The following FBXO16 variants were observed in gnomAD, a reference collection of about 807,000 sequenced individuals.
FBXO16 encodes F-box protein 16.
A neutral mutation model predicts 41.0 loss-of-function variants in FBXO16; 31 were observed. The ratio of observed to expected loss-of-function variants is 0.76; its 90% CI spans 0.57 to 1.02. The LOEUF (loss-of-function observed/expected upper bound fraction) is 1.02, where lower values mean the gene tolerates loss of function less well. FBXO16 is among the 50% of genes least tolerant of loss of function. The pLI, the probability that FBXO16 is intolerant of heterozygous loss-of-function variation, is 0.00. For synonymous variants in FBXO16, 133 were observed against 117.8 expected (o/e 1.13, Z -0.84); for missense variants, 361 against 346.2 (o/e 1.04, Z -0.34).
intron 3 of FBXO16, among the ~76,000 whole-genome samples, chr8:28,470,691 G>A (rs1035470145): frequency 1.3e-5 from 2 of 152,124 alleles, no homozygotes; most frequent in African/African-American, 4.8e-5. Context: ...GCATGTCTCT[G>A]ATTTTGGTAA....
rs993759191 is a variant in FBXO16, at chr8:28,475,383, G to A, written c.100-1576C>T. On this transcript the variant is annotated intron_variant, in intron 2 of 8. Coordinates refer to ENST00000380254, the MANE Select transcript of FBXO16 (RefSeq NM_172366.4). ...CAGACACTTTTTGCACATAAGAGAA[G>A]AAGAAAAAGACCCTCCCCTGCAGCT... Among the ~76,000 whole-genome samples the A allele has an allele frequency of 7.9e-5, 12 of 152,276 alleles. No homozygotes were observed. In the East Asian group the frequency reaches 2.3e-3, roughly 29 times the overall value.
At chr8:28,460,454 G>T (rs1475826799) in intron 4 of FBXO16, among the ~76,000 whole-genome samples, 1 of 75,390 alleles carries the variant, frequency 1.3e-5, no homozygotes, top group Non-Finnish European at 2.4e-5. Flanking sequence ...TTGAGACAGC[G>T]TCTCACTTTG....
At chr8:28,430,288 AG>A (rs1802587287) in intron 7 of FBXO16, among the ~76,000 whole-genome samples, 1 of 152,074 alleles carries the variant, frequency 6.6e-6, no homozygotes, top group African/African-American at 2.4e-5. Context: ...TATGTTGCCT[AG>A]GCTGGTCCTG....
chr8:28,456,940 CA>C lies in FBXO16; in HGVS notation c.343-11del. The C allele has an allele frequency of 6.2e-7, 1 of 1,610,054 alleles. No individual in the cohort carries two copies. The highest frequency in any genetic ancestry group is 1.7e-5 in the Admixed American group (1 of 59,574). ...TCCAATGCCAGCACACCTGGAAAAA[CA>C]ATTACAATTAAACAAAACCAAATCA... On this transcript the variant is annotated splice_polypyrimidine_tract_variant and intron_variant, in intron 4 of 8. Transcript: ENST00000380254.
chr8:28,461,137 T>G (rs73668482), intron 4 of FBXO16, among the ~76,000 whole-genome samples: 4,941 of 151,922 alleles, frequency 0.033, 250 homozygotes, highest in African/African-American at 0.11. Flanking sequence ...TGCAACTTAT[T>G]TACCCAGTCC....
At chr8:28,458,541 CTTCTTT>C (rs1803073208) in intron 4 of FBXO16, among the ~76,000 whole-genome samples, 5 of 121,048 alleles carry the variant, frequency 4.1e-5, no homozygotes, top group Non-Finnish European at 8.5e-5. Flanking sequence ...TCTTCTTCTT[CTTCTTT>C]TTTTTTTTTT....
intron 5 of FBXO16, among the ~76,000 whole-genome samples, chr8:28,453,690 A>G (rs117460218): frequency 0.024 from 3,676 of 151,980 alleles, 79 homozygotes; most frequent in South Asian, 0.054. Flanking sequence ...ATAATCAGTT[A>G]GTTTCTCACC....
intron 1 of FBXO16, among the ~76,000 whole-genome samples, chr8:28,487,921 C>T (rs7845989): frequency 0.89 from 134,782 of 151,592 alleles, 60,006 homozygotes; most frequent in Middle Eastern, 0.92. Context: ...GGCACAAACT[C>T]GGCTCACCAC....
At chr8:28,429,041 A>G (rs1038545580) in intron 8 of FBXO16, among the ~76,000 whole-genome samples, 3 of 152,212 alleles carry the variant, frequency 2.0e-5, no homozygotes, top group African/African-American at 7.2e-5. Context: ...AAACTGAGGA[A>G]TTTGAGTGAC....
At chr8:28,429,459 C>A in intron 7 of FBXO16, 56 bp from the exon 8 acceptor site, 2 of 1,603,324 alleles carry the variant, frequency 1.2e-6, no homozygotes, top group South Asian at 2.2e-5. Context: ...AGAAATAATC[C>A]GAGCTGAGCT....
intron 7 of FBXO16, among the ~76,000 whole-genome samples, chr8:28,430,818 A>C (rs1243311008): frequency 6.6e-6 from 1 of 152,066 alleles, no homozygotes; most frequent in South Asian, 2.1e-4. Flanking sequence ...TAAAAATGAA[A>C]AAAACTAGCT....
intron 4 of FBXO16, among the ~76,000 whole-genome samples, chr8:28,462,435 C>T (rs1005075937): frequency 1.3e-5 from 2 of 152,100 alleles, no homozygotes; most frequent in East Asian, 1.9e-4. Flanking sequence ...CCCGCCACCA[C>T]GCCCGGCTAA....
intron 4 of FBXO16, among the ~76,000 whole-genome samples, chr8:28,459,439 G>A (rs1214003687): frequency 2.6e-5 from 4 of 151,780 alleles, no homozygotes; most frequent in Admixed American, 6.6e-5. Context: ...CCAACATGGC[G>A]AAACCCCGTC....
At chr8:28,453,331 A>G (rs1437059031) in intron 5 of FBXO16, among the ~76,000 whole-genome samples, 1 of 151,874 alleles carries the variant, frequency 6.6e-6, no homozygotes, top group African/African-American at 2.4e-5. Context: ...TAATTTATTC[A>G]TAAAAAGTAC....
rs1300694548 is a variant in FBXO16, at chr8:28,454,722, C to T, written c.507+2044G>A. Among the ~76,000 whole-genome samples, 130 of 86,130 alleles carry T rather than the reference C, an allele frequency of 1.5e-3. 4 individuals are homozygous for T. The highest frequency in any genetic ancestry group is 7.6e-3 in the African/African-American group (120 of 15,814). 56.5% of individuals were successfully genotyped at this position (86,130 alleles called of 152,430 possible). A position where few individuals can be genotyped will look rare whatever the true frequency, so the allele number is the denominator to read the frequency against. ...CAGCCTGGGCGACAGAGCAAGACTC[C>T]GTCTTAAAAAAAAAAAAAAAAAAAA... On this transcript the variant is annotated intron_variant, in intron 5 of 8. Transcript: ENST00000380254.
intron 7 of FBXO16, among the ~76,000 whole-genome samples, chr8:28,444,504 G>A (rs1281814893): frequency 1.1e-4 from 16 of 146,652 alleles, no homozygotes; most frequent in Admixed American, 8.8e-4. Flanking sequence ...TTTTGAGACG[G>A]AGTCTTGCTC....
rs758447534 is a variant in FBXO16, at chr8:28,456,922, C to A, written c.351G>T (p.Trp117Cys). 3.1e-6 allele frequency: 5 copies of A among 1,611,876 alleles called. No individual in the cohort carries two copies. The highest frequency in any genetic ancestry group is 4.5e-5 in the East Asian group (2 of 44,862). The change falls in exon 5 of 9, where the codon TGG (tryptophan) becomes TGT (cysteine). Residue 117 changes from tryptophan (W) to cysteine (C), a missense_variant. Transcript: ENST00000380254. ...RSLCRCAQVC[W>C]HWKNLAELDQ... ...CCAGCTCAGCAAGGTTCTTCCAATG[C>A]CAGCACACCTGGAAAAACAATTACA...
At chr8:28,465,442 C>G (rs1015021378) in intron 3 of FBXO16, 1 of 448,356 alleles carries the variant, frequency 2.2e-6, no homozygotes, top group Admixed American at 2.4e-5. Context: ...GAGCAACACC[C>G]CATCTGCACA....
At chr8:28,439,564 C>G (rs565650372) in intron 7 of FBXO16, among the ~76,000 whole-genome samples, 1 of 151,904 alleles carries the variant, frequency 6.6e-6, no homozygotes, top group African/African-American at 2.4e-5. Context: ...ATAGCGAGAC[C>G]CTGTCTCTAC....
Sources: allele counts gnomAD v4.1 joint callset (sites outside exome capture counted in the v4.1 genomes callset), GRCh38; gene constraint gnomAD v4.1.1; transcripts MANE v1.5; gene names NCBI Gene and HGNC (gene_info 2026-07-23, HGNC 2026-07-21).